PDE1C: variants seen among roughly 807,000 people sequenced by gnomAD.
PDE1C encodes the protein dual specificity calcium/calmodulin-dependent 3',5'-cyclic nucleotide phosphodiesterase 1C.
In PDE1C, 62 loss-of-function variants were observed where a neutral mutation model predicts 93.1. The ratio of observed to expected loss-of-function variants is 0.67; its 90% CI spans 0.54 to 0.82. PDE1C has a LOEUF of 0.82. Among genes scored for constraint, PDE1C ranks in the 40% least tolerant of loss-of-function variants. The probability of loss-of-function intolerance (pLI) is 0.00; values close to 1 mark genes in which losing one functional copy is unlikely to be tolerated. For synonymous variants in PDE1C, 325 were observed against 310.1 expected, an observed-to-expected ratio of 1.05 and a Z score of -0.50; for missense variants, 742 against 884.6, an observed-to-expected ratio of 0.84 and a Z score of 2.04.
chr7:31,762,880 A>G (rs1583969134), intron 17 of PDE1C, among the ~76,000 whole-genome samples: 1 of 152,310 alleles, frequency 6.6e-6, no homozygotes, highest in East Asian at 1.9e-4. Flanking sequence ...CTAGAGGGAT[A>G]TGCATCCATA....
chr7:31,796,258 G>A (rs1468226435), intron 16 of PDE1C, among the ~76,000 whole-genome samples: 1 of 150,434 alleles, frequency 6.6e-6, no homozygotes, highest in African/African-American at 2.4e-5. Flanking sequence ...ATATCATATT[G>A]TATCATATAT....
intron 1 of PDE1C, among the ~76,000 whole-genome samples, chr7:32,380,710 G>A (rs570799148): frequency 1.3e-5 from 2 of 152,102 alleles, no homozygotes; most frequent in African/African-American, 4.8e-5. Context: ...CCCCCTTCTG[G>A]AAACATGCAC....
At chr7:31,974,343 T>C (rs1811354076) in intron 2 of PDE1C, among the ~76,000 whole-genome samples, 1 of 152,152 alleles carries the variant, frequency 6.6e-6, no homozygotes, top group Non-Finnish European at 1.5e-5. Context: ...ACAACAAAAA[T>C]CTTTGTCAAA....
intron 1 of PDE1C, among the ~76,000 whole-genome samples, chr7:32,069,775 T>C (rs962504868): frequency 6.6e-6 from 1 of 152,092 alleles, no homozygotes; most frequent in Non-Finnish European, 1.5e-5. Flanking sequence ...CTAGTAAACA[T>C]TTCTCCACCA....
intron 1 of PDE1C, among the ~76,000 whole-genome samples, chr7:32,265,213 G>A (rs867741044): frequency 2.6e-5 from 4 of 152,178 alleles, no homozygotes; most frequent in South Asian, 2.1e-4. Flanking sequence ...CTACTAACAT[G>A]TAATGAGCAA....
intron 1 of PDE1C, among the ~76,000 whole-genome samples, chr7:32,258,487 G>C (rs116667341): frequency 0.017 from 2,660 of 152,202 alleles, 86 homozygotes; most frequent in African/African-American, 0.061. Context: ...CCCTGCACGT[G>C]GGGGTGACTG....
At chr7:32,238,874 A>G (rs1208063337) in intron 1 of PDE1C, among the ~76,000 whole-genome samples, 1 of 152,216 alleles carries the variant, frequency 6.6e-6, no homozygotes, top group African/African-American at 2.4e-5. Flanking sequence ...AGACCTAAAC[A>G]TGAACTGGGA....
chr7:32,176,924 T>C (rs931820437), intron 2 of PDE1C, among the ~76,000 whole-genome samples: 3 of 152,192 alleles, frequency 2.0e-5, no homozygotes, highest in Non-Finnish European at 2.9e-5. Flanking sequence ...AGATTTGAAC[T>C]AGAACTATCA....
intron 1 of PDE1C, among the ~76,000 whole-genome samples, chr7:32,287,233 C>T (rs1812053527): frequency 6.6e-6 from 1 of 152,146 alleles, no homozygotes; most frequent in Non-Finnish European, 1.5e-5. Context: ...AGAAAAAAAC[C>T]AAAATCCTCC....
chr7:31,967,132 A>G (rs896843928), intron 2 of PDE1C, among the ~76,000 whole-genome samples: 24 of 152,216 alleles, frequency 1.6e-4, no homozygotes, highest in Non-Finnish European at 1.5e-5. Context: ...AAGGAAATAG[A>G]GACACAAAAA....
intron 2 of PDE1C, among the ~76,000 whole-genome samples, chr7:32,200,580 C>T (rs1352345883): frequency 2.0e-5 from 3 of 152,202 alleles, no homozygotes; most frequent in East Asian, 1.9e-4. Flanking sequence ...CTTCCAACAA[C>T]AACAACTACC....
chr7:32,337,302 G>A (rs987024041), intron 1 of PDE1C, among the ~76,000 whole-genome samples: 2 of 152,140 alleles, frequency 1.3e-5, no homozygotes, highest in Non-Finnish European at 2.9e-5. Context: ...GTACCCTGAA[G>A]GTGATAGTGT....
chr7:32,165,423 A>G (rs909588578), intron 3 of PDE1C, among the ~76,000 whole-genome samples: 13 of 152,208 alleles, frequency 8.5e-5, no homozygotes, highest in Admixed American at 7.9e-4. Flanking sequence ...ATAAAGAAAT[A>G]CCTGAAACTG....
intron 1 of PDE1C, among the ~76,000 whole-genome samples, chr7:32,356,902 G>A (rs1784041066): frequency 6.6e-6 from 1 of 152,112 alleles, no homozygotes; most frequent in South Asian, 2.1e-4. Context: ...CGAGAGTACA[G>A]TGCATGTGCA....
At chr7:32,133,783 G>A (rs1326351648) in intron 3 of PDE1C, among the ~76,000 whole-genome samples, 2 of 152,096 alleles carry the variant, frequency 1.3e-5, no homozygotes, top group East Asian at 3.9e-4. Flanking sequence ...CCAGGATAAT[G>A]TGATCCATCC....
chr7:31,837,056 G>T, intron 11 of PDE1C, 124 bp downstream of exon 11: 1 of 855,388 alleles, frequency 1.2e-6, no homozygotes, highest in Non-Finnish European at 1.7e-6. Context: ...ATAATCTGTG[G>T]AGCCCCCCTC....
At chr7:31,777,247 C>T (rs62448797) in intron 16 of PDE1C, among the ~76,000 whole-genome samples, 6,027 of 151,876 alleles carry the variant, frequency 0.04, 278 homozygotes, top group East Asian at 0.19. Flanking sequence ...AGTGGGAGAG[C>T]GGTAAGCTTT....
At chr7:32,337,888 CTT>C (rs1258667766) in intron 1 of PDE1C, among the ~76,000 whole-genome samples, 1 of 152,156 alleles carries the variant, frequency 6.6e-6, no homozygotes, top group African/African-American at 2.4e-5. Context: ...GCAGCGGAGT[CTT>C]TTCAACAAGT....
intron 1 of PDE1C, among the ~76,000 whole-genome samples, chr7:32,350,547 AATATATATATATATATAT>A (rs1180195472): frequency 0.034 from 1,377 of 41,036 alleles, 491 homozygotes; most frequent in African/African-American, 0.047. Flanking sequence ...GCATTTGACT[AATATATATATATATATAT>A]ATATATATAT....
Sources: gnomAD v4.1 joint callset for allele counts (sites outside exome capture counted in the v4.1 genomes callset) on GRCh38, gnomAD v4.1.1 for gene constraint, MANE v1.5 for transcripts, NCBI Gene and HGNC (gene_info 2026-07-23, HGNC 2026-07-21) for gene names.